RBMS3: variants seen among roughly 807,000 people sequenced by gnomAD.
The protein encoded by RBMS3 is RNA binding motif single stranded interacting protein 3.
Under a neutral mutation model 66.8 loss-of-function variants are expected in RBMS3, and 27 were observed. The observed-to-expected ratio is 0.40, with a 90% CI of 0.30 to 0.56. The LOEUF (loss-of-function observed/expected upper bound fraction) is 0.56, where lower values mean the gene tolerates loss of function less well. RBMS3 is among the 20% of genes least tolerant of loss of function. The pLI, the probability that RBMS3 is intolerant of heterozygous loss-of-function variation, is 0.40. For missense variants in RBMS3, 513 were observed against 549.5 expected (o/e 0.93, Z 0.66); for synonymous variants, 188 against 183.0 (o/e 1.03, Z -0.22).
intron 1 of RBMS3, among the ~76,000 whole-genome samples, chr3:29,319,915 G>A (rs1012262094): frequency 6.6e-6 from 1 of 151,378 alleles, no homozygotes; most frequent in African/African-American, 2.4e-5. Context: ...TGAACTTTCT[G>A]TGCTAATATT....
chr3:29,506,323 C>T (rs560833678), intron 3 of RBMS3, among the ~76,000 whole-genome samples: 1 of 152,014 alleles, frequency 6.6e-6, no homozygotes. Flanking sequence ...TTTTCTGCAA[C>T]TATTGAGATT....
At chr3:29,338,676 TC>T (rs1228777251) in intron 1 of RBMS3, among the ~76,000 whole-genome samples, 4 of 136,118 alleles carry the variant, frequency 2.9e-5, no homozygotes, top group Non-Finnish European at 6.5e-5. Context: ...TCTCCTCTCC[TC>T]CTCCTCTCCT....
At chr3:29,836,972 A>T (rs1198342203) in intron 6 of RBMS3, among the ~76,000 whole-genome samples, 1 of 151,954 alleles carries the variant, frequency 6.6e-6, no homozygotes, top group Non-Finnish European at 1.5e-5. Flanking sequence ...TCCTCTCATG[A>T]CCTCCAGATG....
intron 1 of RBMS3, among the ~76,000 whole-genome samples, chr3:29,411,969 G>A (rs1284105685): frequency 6.6e-6 from 1 of 152,172 alleles, no homozygotes; most frequent in Non-Finnish European, 1.5e-5. Flanking sequence ...TTGTAACAAT[G>A]ATTTGAACTT....
chr3:29,879,238 G>A (rs1256780143), intron 7 of RBMS3, among the ~76,000 whole-genome samples: 2 of 152,064 alleles, frequency 1.3e-5, no homozygotes, highest in Non-Finnish European at 2.9e-5. Flanking sequence ...GTTCACTAAA[G>A]GTTTCTAAGT....
At chr3:29,866,756 G>A (rs2059373082) in intron 6 of RBMS3, among the ~76,000 whole-genome samples, 1 of 152,194 alleles carries the variant, frequency 6.6e-6, no homozygotes, top group African/African-American at 2.4e-5. Flanking sequence ...AGAATTTACA[G>A]TACTTCTAAC....
At chr3:29,656,910 G>A (rs560065264) in intron 4 of RBMS3, among the ~76,000 whole-genome samples, 1 of 152,274 alleles carries the variant, frequency 6.6e-6, no homozygotes, top group Non-Finnish European at 1.5e-5. Flanking sequence ...GCTAGTGGGT[G>A]ACATTTCATA....
In RBMS3 at chr3:29,684,813, C is replaced by CACAG. The variant is rs1553642153; in HGVS notation, c.400-54903_400-54900dup. On this transcript the variant is annotated intron_variant, in intron 4 of 14. Coordinates refer to ENST00000383767, the MANE Select transcript of RBMS3 (RefSeq NM_001003793.3). Reference sequence around the variant, plus strand: ...ACACACACACACACACACACACACACACAGACACATACACTGAGCTAAAGA... The same window carrying CACAG: ...ACACACACACACACACACACACACACACAGACAGACACATACACTGAGCTAAAGA... 8.7e-4 allele frequency among the ~76,000 whole-genome samples: 126 copies of CACAG among 144,994 alleles called. 1 individual carries two copies. The highest frequency in any genetic ancestry group is 2.9e-3 in the African/African-American group (114 of 39,758).
chr3:29,907,410 A>G (rs954167811), intron 10 of RBMS3, among the ~76,000 whole-genome samples: 1 of 152,068 alleles, frequency 6.6e-6, no homozygotes, highest in Non-Finnish European at 1.5e-5. Context: ...TCTTATCATA[A>G]TGGATATGCC....
intron 1 of RBMS3, among the ~76,000 whole-genome samples, chr3:29,342,852 C>A (rs2125540855): frequency 6.6e-6 from 1 of 152,008 alleles, no homozygotes; most frequent in East Asian, 1.9e-4. Flanking sequence ...TTATATGATT[C>A]TAAGTTTATA....
intron 13 of RBMS3, among the ~76,000 whole-genome samples, chr3:29,989,820 A>AAG (rs1231062645): frequency 3.3e-5 from 5 of 152,168 alleles, no homozygotes; most frequent in Admixed American, 6.5e-5. Context: ...AGCTTTCAAA[A>AAG]AGCACCTATG....
intron 2 of RBMS3, among the ~76,000 whole-genome samples, chr3:29,476,738 G>A (rs2042960713): frequency 6.6e-6 from 1 of 151,992 alleles, no homozygotes; most frequent in Non-Finnish European, 1.5e-5. Flanking sequence ...CTTTTTCTAT[G>A]TATGTAATTT....
chr3:29,487,147 T>A (rs1233172348), intron 2 of RBMS3, among the ~76,000 whole-genome samples: 1 of 152,194 alleles, frequency 6.6e-6, no homozygotes, highest in African/African-American at 2.4e-5. Context: ...GTAAAGAGAC[T>A]GTTCAAATAT....
intron 6 of RBMS3, among the ~76,000 whole-genome samples, chr3:29,852,591 C>T (rs966048576): frequency 2.0e-5 from 3 of 152,136 alleles, no homozygotes; most frequent in African/African-American, 7.2e-5. Context: ...TAGAGAAATG[C>T]AAATTAAAAC....
chr3:29,618,276 C>G (rs540005266), intron 4 of RBMS3, among the ~76,000 whole-genome samples: 5 of 152,188 alleles, frequency 3.3e-5, no homozygotes, highest in Admixed American at 2.0e-4. Context: ...AGGTGGAACC[C>G]CTGAGGTCAA....
At chr3:29,650,264 A>G (rs988804268) in intron 4 of RBMS3, among the ~76,000 whole-genome samples, 12 of 150,202 alleles carry the variant, frequency 8.0e-5, no homozygotes, top group African/African-American at 2.9e-4. Context: ...AAATAAGTCA[A>G]TTACTCCTTT....
intron 4 of RBMS3, among the ~76,000 whole-genome samples, chr3:29,603,585 T>A (rs905223668): frequency 6.6e-6 from 1 of 151,998 alleles, no homozygotes; most frequent in Non-Finnish European, 1.5e-5. Context: ...CCACACTTCA[T>A]TGGTCAGTTC....
intron 3 of RBMS3, among the ~76,000 whole-genome samples, chr3:29,524,364 A>G (rs1290111620): frequency 6.7e-6 from 1 of 149,596 alleles, no homozygotes; most frequent in East Asian, 2.0e-4. Context: ...CACACTGTAC[A>G]CTGATTTCAT....
At chr3:29,782,786 T>C (rs2056683042) in intron 6 of RBMS3, among the ~76,000 whole-genome samples, 1 of 152,066 alleles carries the variant, frequency 6.6e-6, no homozygotes, top group South Asian at 2.1e-4. Context: ...AAAAACACGT[T>C]ACAGGATATG....
Sources: gnomAD v4.1 joint callset for allele counts (sites outside exome capture counted in the v4.1 genomes callset) on GRCh38, gnomAD v4.1.1 for gene constraint, MANE v1.5 for transcripts, NCBI Gene and HGNC (gene_info 2026-07-23, HGNC 2026-07-21) for gene names.